The following USP42 variants were observed in gnomAD, a reference collection of about 807,000 sequenced individuals.
The protein encoded by USP42 is ubiquitin carboxyl-terminal hydrolase 42.
Under a neutral mutation model 113.0 loss-of-function variants are expected in USP42, and 23 were observed. The ratio of observed to expected loss-of-function variants is 0.20; its 90% CI spans 0.15 to 0.29. The LOEUF is 0.29. USP42 is among the 10% of genes least tolerant of loss of function. USP42 has a pLI of 1.00. For missense variants in USP42, 2,174 were observed against 1,779.8 expected (o/e 1.22, Z -3.99); for synonymous variants, 933 against 699.0 (o/e 1.33, Z -5.28).
At chr7:6,099,358 G>A in the USP42 span, among the ~76,000 whole-genome samples, 1 of 148,532 alleles carries the variant, frequency 6.7e-6, no homozygotes, top group Admixed American at 6.7e-5. Context: ...GGGACTACAG[G>A]CACCCGCCAC....
upstream of USP42, among the ~76,000 whole-genome samples, chr7:6,103,718 T>C (rs1327782736): frequency 9.3e-6 from 1 of 107,604 alleles, no homozygotes; most frequent in Non-Finnish European, 1.7e-5. Context: ...CTGGGCAACA[T>C]AGCGAGACCC....
the USP42 span, among the ~76,000 whole-genome samples, chr7:6,086,310 A>G: frequency 1.4e-5 from 2 of 145,960 alleles, no homozygotes; most frequent in Non-Finnish European, 3.0e-5. Context: ...GGTTCACGCC[A>G]TTCTCCTGCC....
At chr7:6,115,615 G>A (rs914479825) in intron 3 of USP42, 92 bp downstream of exon 3, 1 of 1,430,222 alleles carries the variant, frequency 7.0e-7, no homozygotes, top group African/African-American at 1.4e-5. Flanking sequence ...TAATCCAAGA[G>A]TGCTATGATT....
intron 4 of USP42, among the ~76,000 whole-genome samples, chr7:6,136,257 G>A (rs1210762272): frequency 6.6e-6 from 1 of 151,918 alleles, no homozygotes; most frequent in Non-Finnish European, 1.5e-5. Flanking sequence ...ACCTGCCTCC[G>A]CCTCCCAAAG....
chr7:6,153,871 A>C lies in USP42; in HGVS notation c.2317A>C (p.Lys773Gln). The change falls in exon 15 of 18, where the codon AAG becomes CAG. Residue 773 changes from lysine to glutamine, a missense_variant. Coordinates refer to ENST00000306177, the MANE Select transcript of USP42 (RefSeq NM_032172.3). ...TGCGGCCGCCGGCCTCAGCAGCACC[A>C]AGAAGGCTCCGCCGCCCCGCGATCC... is the stretch of plus-strand genomic sequence containing the variant. ...PDAAAGLSST[K>Q]KAPPPRDPGT... The C allele has an allele frequency of 1.3e-6, 2 of 1,560,302 alleles. No homozygotes were observed. The highest frequency in any genetic ancestry group is 1.7e-6 in the Non-Finnish European group (2 of 1,154,050).
chr7:6,130,567 C>T (rs1181477219), intron 3 of USP42, among the ~76,000 whole-genome samples: 1 of 152,162 alleles, frequency 6.6e-6, no homozygotes, highest in African/African-American at 2.4e-5. Flanking sequence ...AGTATGGTTG[C>T]AAGTCCCAGC....
chr7:6,119,593 G>A (rs1255148389), intron 3 of USP42, among the ~76,000 whole-genome samples: 4 of 152,324 alleles, frequency 2.6e-5, no homozygotes, highest in East Asian at 3.9e-4. Flanking sequence ...GATTGGGACT[G>A]TGCTGAATAT....
At chr7:6,099,006 A>G in the USP42 span, among the ~76,000 whole-genome samples, 1 of 150,002 alleles carries the variant, frequency 6.7e-6, no homozygotes, top group South Asian at 2.1e-4. Flanking sequence ...TCCTTATTAG[A>G]GTCCTGACTT....
intron 7 of USP42, among the ~76,000 whole-genome samples, chr7:6,141,979 T>C (rs1781456453): frequency 6.6e-6 from 1 of 152,202 alleles, no homozygotes; most frequent in Non-Finnish European, 1.5e-5. Flanking sequence ...GACCTTTCTG[T>C]GTGAGCGTGC....
At chr7:6,101,302 C>T (rs1790120932), upstream of USP42, among the ~76,000 whole-genome samples, 1 of 151,110 alleles carries the variant, frequency 6.6e-6, no homozygotes, top group South Asian at 2.1e-4. Context: ...TGGAGGTCCT[C>T]AGAAAATAAA....
At position 6,153,915 on chromosome 7, in the gene USP42, A is replaced by T; in HGVS notation, c.2361A>T (p.Lys787Asn). Reference protein sequence around the residue: ...PPRDPGTPATKEGAWEAMAVA... With the variant: ...PPRDPGTPATNEGAWEAMAVA... The stretch of plus-strand genomic sequence containing the variant: ...GCGATCCCGGCACCCCCGCTACCAA[A>T]GAAGGCGCCTGGGAGGCCATGGCCG... Residue 787 changes from lysine (K) to asparagine (N), a missense_variant, in exon 15 of 18, where the codon AAA becomes AAT. Lys to Asn is a moderately conservative substitution (Grantham distance 94, BLOSUM62 0). Transcript: ENST00000306177. 3.1e-6 allele frequency: 5 copies of T among 1,600,644 alleles called. No individual in the cohort carries two copies. Among genetic ancestry groups the T allele is most frequent in the Non-Finnish European group, 4.3e-6 (5 of 1,175,766 alleles).
Position 6,115,300 on chromosome 7 carries a change from CTCTT to C in USP42, c.242-18_242-15del, listed in dbSNP as rs762905530. 3.7e-6 allele frequency: 6 copies of C among 1,611,346 alleles called. No homozygotes were observed. In the African/African-American group the frequency reaches 4.0e-5, roughly 11 times the overall value. On this transcript the variant is annotated intron_variant, in intron 2 of 17. Coordinates refer to ENST00000306177, the MANE Select transcript of USP42 (RefSeq NM_032172.3). ...TCAGTATGCAAAGCTTGGTTTCTGACTCTTTCTTGTTTATTTTTCTAGCCCTAGG... is the reference window on the plus strand; with the variant it reads ...TCAGTATGCAAAGCTTGGTTTCTGACTCTTGTTTATTTTTCTAGCCCTAGG...
In USP42 at chr7:6,160,685, TTA is replaced by T. The variant is rs1782725925; in HGVS notation, c.*168_*169del. On this transcript the variant is annotated 3_prime_UTR_variant, in exon 18 of 18. Transcript: ENST00000306177. ...GATTTTACCATGGAGAACTTTTTTTTTAGTTTTTACCTTTTCTTAATTACCCT... is the reference window on the plus strand; with the variant it reads ...GATTTTACCATGGAGAACTTTTTTTTGTTTTTACCTTTTCTTAATTACCCT... 1.3e-5 allele frequency: 2 copies of T among 152,668 alleles called. No individual in the cohort carries two copies. The highest frequency in any genetic ancestry group is 6.5e-5 in the Admixed American group (1 of 15,288). The allele number at this position is 152,668 out of a possible 1,614,324, so 9.5% of individuals were successfully genotyped here. A position where few individuals can be genotyped will look rare whatever the true frequency, so the allele number is the denominator to read the frequency against.
At chr7:6,143,544 T>G (rs1781544201) in intron 8 of USP42, among the ~76,000 whole-genome samples, 1 of 152,180 alleles carries the variant, frequency 6.6e-6, no homozygotes, top group South Asian at 2.1e-4. Flanking sequence ...TTTGTATGTT[T>G]TTAAGTAGAT....
intron 1 of USP42, among the ~76,000 whole-genome samples, chr7:6,105,827 C>T (rs1349287361): frequency 2.6e-5 from 4 of 152,214 alleles, no homozygotes; most frequent in Admixed American, 6.5e-5. Flanking sequence ...GGACTTTAAC[C>T]CCTCTCACAT....
chr7:6,116,808 C>T (rs943089694), intron 3 of USP42: 2 of 533,008 alleles, frequency 3.8e-6, no homozygotes, highest in African/African-American at 3.9e-5. Context: ...ATAATTCATT[C>T]CCCACAGACA....
At chr7:6,119,224 G>A (rs1780080751) in intron 3 of USP42, among the ~76,000 whole-genome samples, 1 of 151,908 alleles carries the variant, frequency 6.6e-6, no homozygotes, top group African/African-American at 2.4e-5. Flanking sequence ...CAAAAAAAAA[G>A]TTTTGGAACC....
At chr7:6,098,209 G>A in the USP42 span, among the ~76,000 whole-genome samples, 1 of 150,084 alleles carries the variant, frequency 6.7e-6, no homozygotes, top group East Asian at 1.9e-4. Flanking sequence ...AGCCCATGTA[G>A]CTTATTTCTA....
At chr7:6,092,830 C>G in the USP42 span, among the ~76,000 whole-genome samples, 1 of 151,302 alleles carries the variant, frequency 6.6e-6, no homozygotes, top group African/African-American at 2.5e-5. Flanking sequence ...ATATATCCCT[C>G]CTTGAACACT....
Sources: gnomAD v4.1 joint callset for allele counts (sites outside exome capture counted in the v4.1 genomes callset) on GRCh38, gnomAD v4.1.1 for gene constraint, MANE v1.5 for transcripts, NCBI Gene and HGNC (gene_info 2026-07-23, HGNC 2026-07-21) for gene names.